Variants in EPHB1 observed in about 807,000 individuals in gnomAD.
EPHB1 encodes the protein EPH receptor B1.
A neutral mutation model predicts 94.4 loss-of-function variants in EPHB1; 30 were observed. The observed-to-expected ratio is 0.32, with a 90% CI of 0.24 to 0.43. EPHB1 has a LOEUF of 0.43. Ranked by LOEUF, EPHB1 falls within the 20% of genes least tolerant of loss-of-function variation. The pLI is 1.00. For synonymous variants in EPHB1, 522 were observed against 489.1 expected, an observed-to-expected ratio of 1.07 and a Z score of -0.89; for missense variants, 1,055 against 1,308.3, an observed-to-expected ratio of 0.81 and a Z score of 2.99.
chr3:134,864,512 TCTCC>T (rs2037332454), intron 1 of EPHB1, among the ~76,000 whole-genome samples: 1 of 148,902 alleles, frequency 6.7e-6, no homozygotes, highest in Non-Finnish European at 1.5e-5. Flanking sequence ...TTTTGCCCTG[TCTCC>T]CTCCCTCCCT....
chr3:135,243,313 T>A (rs1419079994), intron 13 of EPHB1, among the ~76,000 whole-genome samples: 3 of 152,196 alleles, frequency 2.0e-5, no homozygotes, highest in Non-Finnish European at 4.4e-5. Flanking sequence ...TGTATGCTAG[T>A]TGTGACTAAA....
At chr3:135,109,107 C>T (rs1282975638) in intron 4 of EPHB1, among the ~76,000 whole-genome samples, 1 of 152,198 alleles carries the variant, frequency 6.6e-6, no homozygotes, top group Non-Finnish European at 1.5e-5. Flanking sequence ...GCTGAAAAAG[C>T]CGCTGCCTTC....
intron 1 of EPHB1, among the ~76,000 whole-genome samples, chr3:134,835,627 C>T (rs1357464847): frequency 6.6e-6 from 1 of 152,216 alleles, no homozygotes; most frequent in Non-Finnish European, 1.5e-5. Flanking sequence ...AGCAGTCTGG[C>T]TCCAAAGCCT....
intron 2 of EPHB1, among the ~76,000 whole-genome samples, chr3:134,926,453 A>G (rs142221461): frequency 6.6e-6 from 1 of 152,342 alleles, no homozygotes; most frequent in East Asian, 1.9e-4. Context: ...TTAGACAAGA[A>G]GCCTTTACAG....
intron 12 of EPHB1, among the ~76,000 whole-genome samples, chr3:135,219,521 GC>G (rs1943230217): frequency 6.6e-6 from 1 of 152,048 alleles, no homozygotes; most frequent in South Asian, 2.1e-4. Flanking sequence ...ACTAGAAGGA[GC>G]AAGTCAGGAT....
chr3:135,223,826 A>G (rs1021565851), intron 12 of EPHB1, among the ~76,000 whole-genome samples: 1 of 152,262 alleles, frequency 6.6e-6, no homozygotes, highest in Non-Finnish European at 1.5e-5. Context: ...ACCATGGATC[A>G]AAATATTAAC....
At chr3:135,226,750 A>C (rs939988697) in intron 12 of EPHB1, among the ~76,000 whole-genome samples, 2 of 152,204 alleles carry the variant, frequency 1.3e-5, no homozygotes, top group African/African-American at 4.8e-5. Context: ...ATCTGAAGAA[A>C]GAAATCTCTA....
At chr3:135,175,567 CTT>C (rs1941956285) in intron 9 of EPHB1, among the ~76,000 whole-genome samples, 1 of 152,062 alleles carries the variant, frequency 6.6e-6, no homozygotes, top group Non-Finnish European at 1.5e-5. Flanking sequence ...ATTTTTCTCT[CTT>C]TTGAGGTACT....
At chr3:135,211,015 A>G (rs1357065432) in intron 12 of EPHB1, among the ~76,000 whole-genome samples, 2 of 151,982 alleles carry the variant, frequency 1.3e-5, no homozygotes, top group African/African-American at 4.8e-5. Context: ...CAGACACTTA[A>G]CTTTTACTTA....
At chr3:135,165,905 A>G in intron 7 of EPHB1, 63 bp from the exon 8 acceptor site, 1 of 1,174,042 alleles carries the variant, frequency 8.5e-7, no homozygotes, top group East Asian at 2.3e-5. Flanking sequence ...GGTATTGTGC[A>G]CTGAGTATCA....
At chr3:135,126,806 G>T (rs1940227464) in intron 4 of EPHB1, among the ~76,000 whole-genome samples, 1 of 152,148 alleles carries the variant, frequency 6.6e-6, no homozygotes. Context: ...CACTCCTTAG[G>T]TATGGGCTCC....
chr3:135,199,770 T>A (rs963666001), intron 11 of EPHB1, among the ~76,000 whole-genome samples: 1 of 152,228 alleles, frequency 6.6e-6, no homozygotes, highest in Non-Finnish European at 1.5e-5. Flanking sequence ...ATTCATGCAA[T>A]CATTGTTAGA....
rs540125789 is a variant in EPHB1, at chr3:135,166,007, T to C, written c.1625T>C (p.Ile542Thr). 3.1e-6 allele frequency: 5 copies of C among 1,614,002 alleles called. No homozygotes were observed. The highest frequency in any genetic ancestry group is 2.7e-5 in the African/African-American group (2 of 75,044). The change falls in exon 8 of 16, where the codon ATT (isoleucine) becomes ACT (threonine). Residue 542 changes from isoleucine (I) to threonine (T), a missense_variant. Transcript: ENST00000398015. ...GAGCTGAGGGAGCAGCTGCCCCTGA[T>C]TGCTGGCTCGGCAGCGGCCGGGGTC... The part of the protein sequence containing the change: ...KSELREQLPL[I>T]AGSAAAGVVF...
At chr3:135,071,781 C>A (rs1046071267) in intron 3 of EPHB1, among the ~76,000 whole-genome samples, 2 of 152,210 alleles carry the variant, frequency 1.3e-5, no homozygotes, top group Admixed American at 6.5e-5. Flanking sequence ...ACATCTCCCC[C>A]TGGGTGGCTA....
intron 3 of EPHB1, among the ~76,000 whole-genome samples, chr3:135,034,697 C>T (rs1936588998): frequency 6.6e-6 from 1 of 152,214 alleles, no homozygotes; most frequent in Admixed American, 6.5e-5. Context: ...GGGTGCCCTG[C>T]CAAGGCAGCT....
chr3:135,161,603 CAA>C (rs1224101500), intron 6 of EPHB1, among the ~76,000 whole-genome samples: 1 of 152,142 alleles, frequency 6.6e-6, no homozygotes, highest in African/African-American at 2.4e-5. Flanking sequence ...AGAAGCAAGA[CAA>C]AGAGAGGCAG....
chr3:135,176,145 C>A (rs1201322824), intron 9 of EPHB1, among the ~76,000 whole-genome samples: 1 of 152,070 alleles, frequency 6.6e-6, no homozygotes, highest in African/African-American at 2.4e-5. Flanking sequence ...TACAGGGGAG[C>A]CCTTACGTGC....
chr3:135,160,814 C>T (rs962393019), intron 6 of EPHB1, among the ~76,000 whole-genome samples: 1 of 152,154 alleles, frequency 6.6e-6, no homozygotes, highest in Non-Finnish European at 1.5e-5. Flanking sequence ...GAGAAGAGGC[C>T]TTGGGAAACA....
At chr3:135,184,713 G>A (rs746981286) in intron 10 of EPHB1, among the ~76,000 whole-genome samples, 1 of 152,180 alleles carries the variant, frequency 6.6e-6, no homozygotes, top group African/African-American at 2.4e-5. Context: ...TCTGAAAGTG[G>A]CCCAGTAGAG....
Sources: allele counts gnomAD v4.1 joint callset (sites outside exome capture counted in the v4.1 genomes callset), GRCh38; gene constraint gnomAD v4.1.1; transcripts MANE v1.5; gene names NCBI Gene and HGNC (gene_info 2026-07-23, HGNC 2026-07-21).